NDFIP1: variants seen among roughly 807,000 people sequenced by gnomAD.
NDFIP1 encodes NEDD4 family-interacting protein 1.
NDFIP1 carries 7 observed loss-of-function variants against 28.8 expected under a neutral mutation model. The ratio of observed to expected loss-of-function variants is 0.24; its 90% CI spans 0.14 to 0.46. The LOEUF (loss-of-function observed/expected upper bound fraction) is 0.46, where lower values mean the gene tolerates loss of function less well. Among genes scored for constraint, NDFIP1 ranks in the 20% least tolerant of loss-of-function variants. NDFIP1 has a pLI of 0.99. For synonymous variants in NDFIP1, 92 were observed against 101.0 expected (o/e 0.91, Z 0.53); for missense variants, 194 against 269.1 (o/e 0.72, Z 1.95).
chr5:142,148,328 A>G (rs1226442875), intron 7 of NDFIP1, among the ~76,000 whole-genome samples: 1 of 152,210 alleles, frequency 6.6e-6, no homozygotes, highest in Admixed American at 6.5e-5. Context: ...GGCAGCTCTC[A>G]GGTTCCTTTT....
intron 7 of NDFIP1, among the ~76,000 whole-genome samples, chr5:142,146,132 A>G (rs1757386574): frequency 6.6e-6 from 1 of 152,218 alleles, no homozygotes; most frequent in Admixed American, 6.5e-5. Context: ...TATATTAAGC[A>G]TTTTACATGG....
intron 3 of NDFIP1, among the ~76,000 whole-genome samples, chr5:142,133,017 C>G (rs186637351): frequency 1.3e-5 from 2 of 152,214 alleles, no homozygotes; most frequent in East Asian, 1.9e-4. Flanking sequence ...CCCAGAAATG[C>G]GGGGACCATC....
chr5:142,140,569 A>G lies in NDFIP1; in HGVS notation c.502A>G (p.Thr168Ala). ...IKWILIVRFS[T>A]YFPGYFDGQY... Reference sequence around the variant, plus strand: ...GTTTTGCCTTATTTTTTAGTTTTCCACCTATTTCCCTGGATATTTTGATGG... The same window carrying G: ...GTTTTGCCTTATTTTTTAGTTTTCCGCCTATTTCCCTGGATATTTTGATGG... Residue 168 changes from threonine to alanine, a missense_variant, in exon 6 of 8, where the codon ACC becomes GCC. Physicochemically the swap from Thr to Ala is moderately conservative, Grantham distance 58. Coordinates refer to ENST00000253814, the MANE Select transcript of NDFIP1 (RefSeq NM_030571.4). 1.2e-6 allele frequency: 2 copies of G among 1,609,514 alleles called. No homozygotes were observed. The highest frequency in any genetic ancestry group is 1.3e-5 in the African/African-American group (1 of 74,706).
intron 7 of NDFIP1, among the ~76,000 whole-genome samples, chr5:142,150,091 G>A (rs1315823045): frequency 4.0e-5 from 6 of 150,632 alleles, no homozygotes; most frequent in Non-Finnish European, 1.5e-5. Flanking sequence ...TGAGGCAGGA[G>A]AACAGCATGA....
chr5:142,128,060 C>T (rs1172672493), intron 1 of NDFIP1, among the ~76,000 whole-genome samples: 4 of 152,098 alleles, frequency 2.6e-5, no homozygotes, highest in Non-Finnish European at 5.9e-5. Flanking sequence ...CACAGTCACT[C>T]AAAGGATATC....
chr5:142,134,517 C>T (rs1247100650), intron 3 of NDFIP1, among the ~76,000 whole-genome samples: 2 of 152,136 alleles, frequency 1.3e-5, no homozygotes, highest in Non-Finnish European at 2.9e-5. Flanking sequence ...GCTGCCATTG[C>T]CACCGACTTC....
rs1444753302 is a variant in NDFIP1, at chr5:142,152,725, T to C, written c.*997T>C. The C allele has an allele frequency of 6.3e-6, 1 of 157,560 alleles. No homozygotes were observed. Among genetic ancestry groups the C allele is most frequent in the Non-Finnish European group, 1.4e-5 (1 of 71,220 alleles). The allele number at this position is 157,560 out of a possible 1,614,324, so 9.8% of individuals were successfully genotyped here. Reference sequence around the variant, plus strand: ...AGTGGTAATTCATCTTGGTTTGCTATGTTAAAACTGTAAATACAACAGAAC... The same window carrying C: ...AGTGGTAATTCATCTTGGTTTGCTACGTTAAAACTGTAAATACAACAGAAC... On this transcript the variant is annotated 3_prime_UTR_variant, in exon 8 of 8. Transcript: ENST00000253814.
chr5:142,142,930 A>ATAT (rs1449865563), intron 6 of NDFIP1: 6 of 75,346 alleles, frequency 8.0e-5, no homozygotes, highest in African/African-American at 2.4e-4. Flanking sequence ...AAAAAAAAAA[A>ATAT]AAAAAAAAAA....
rs574712065 is a variant in NDFIP1, at chr5:142,111,659, G to A, written c.63+2622G>A. Among the ~76,000 whole-genome samples the A allele has an allele frequency of 3.9e-5, 6 of 152,282 alleles. 1 individual carries two copies. Among genetic ancestry groups the A allele is most frequent in the African/African-American group, 1.4e-4 (6 of 41,568 alleles). ...AGTTTTCTCACCAAGTAAATGTAAT[G>A]GAAAACTGTATGATTCATTCATAAA... On this transcript the variant is annotated intron_variant, in intron 1 of 7. Transcript: ENST00000253814.
intron 1 of NDFIP1, among the ~76,000 whole-genome samples, chr5:142,115,526 C>T (rs1757058076): frequency 6.6e-6 from 1 of 152,136 alleles, no homozygotes; most frequent in African/African-American, 2.4e-5. Flanking sequence ...CTCAAGTGAT[C>T]TGCCCGCCTC....
Position 142,122,788 on chromosome 5 carries a change from C to T in NDFIP1, c.64-9020C>T, listed in dbSNP as rs1193631078. On this transcript the variant is annotated intron_variant, in intron 1 of 7. Transcript: ENST00000253814. ...TATCTTTTTTTGTGAAATGTCTATT[C>T]AAGTCTTGTCCCTTTTTTTATTGAA... Among the ~76,000 whole-genome samples the T allele has an allele frequency of 3.9e-5, 6 of 152,118 alleles. No homozygotes were observed. In the East Asian group the frequency reaches 5.8e-4, roughly 15 times the overall value.
chr5:142,144,464 C>A, intron 6 of NDFIP1, 107 bp from the exon 7 acceptor site: 1 of 812,388 alleles, frequency 1.2e-6, no homozygotes, highest in South Asian at 1.7e-5. Context: ...TTTTGATTAC[C>A]TTTAGCAGAA....
In NDFIP1 at chr5:142,144,608, A is replaced by G. The variant is rs1016467398; in HGVS notation, c.600A>G (p.Ala200=). The G allele has an allele frequency of 1.9e-6, 3 of 1,613,072 alleles. No individual in the cohort carries two copies. Among genetic ancestry groups the G allele is most frequent in the Non-Finnish European group, 2.5e-6 (3 of 1,179,556 alleles). ...TTCTCAGAGGATTTATCAATTATGCAAAAGTTCGGAAGATGCCAGAAACTT... is the reference window on the plus strand; with the variant it reads ...TTCTCAGAGGATTTATCAATTATGCGAAAGTTCGGAAGATGCCAGAAACTT... ...LLFLRGFINY[A]KVRKMPETFS... The change falls in exon 7 of 8, where the codon GCA becomes GCG. Residue 200 remains alanine, a synonymous_variant. Transcript: ENST00000253814.
intron 7 of NDFIP1, among the ~76,000 whole-genome samples, chr5:142,147,878 C>A (rs1757406743): frequency 6.6e-6 from 1 of 152,122 alleles, no homozygotes; most frequent in African/African-American, 2.4e-5. Context: ...TCAAAAGGAT[C>A]AGAATACAGA....
intron 7 of NDFIP1, 53 bp from the exon 8 acceptor site, chr5:142,151,678 G>A (rs1459374547): frequency 6.6e-6 from 1 of 152,408 alleles, no homozygotes; most frequent in Non-Finnish European, 1.5e-5. Context: ...CCTTCTCTTA[G>A]CCAAAATAAC....
chr5:142,143,120 GC>G (rs946543063), intron 6 of NDFIP1: 1 of 151,548 alleles, frequency 6.6e-6, no homozygotes, highest in Non-Finnish European at 1.5e-5. Context: ...GCTATAGTTA[GC>G]CTATAGTTTA....
intron 1 of NDFIP1, among the ~76,000 whole-genome samples, chr5:142,115,441 G>A (rs1478132583): frequency 3.3e-5 from 5 of 151,998 alleles, no homozygotes; most frequent in Admixed American, 6.6e-5. Flanking sequence ...CCACCACCAC[G>A]CCCAGCTAAT....
intron 3 of NDFIP1, among the ~76,000 whole-genome samples, 187 bp downstream of exon 3, chr5:142,132,529 T>C (rs1410260034): frequency 7.2e-5 from 11 of 152,240 alleles, no homozygotes. Flanking sequence ...GGTAAATTAC[T>C]AGTCAGACCT....
At chr5:142,109,801 T>C (rs1485956852) in intron 1 of NDFIP1, among the ~76,000 whole-genome samples, 2 of 152,208 alleles carry the variant, frequency 1.3e-5, no homozygotes, top group Non-Finnish European at 2.9e-5. Context: ...GGAAAAGAGC[T>C]GCTTGTTTCA....
Sources: gnomAD v4.1 joint callset for allele counts (sites outside exome capture counted in the v4.1 genomes callset) on GRCh38, gnomAD v4.1.1 for gene constraint, MANE v1.5 for transcripts, NCBI Gene and HGNC (gene_info 2026-07-23, HGNC 2026-07-21) for gene names.